Variants in CDH12 observed in about 807,000 individuals in gnomAD.
CDH12 encodes cadherin-12.
CDH12 carries 41 observed loss-of-function variants against 74.1 expected under a neutral mutation model. The ratio of observed to expected loss-of-function variants is 0.55; its 90% CI spans 0.43 to 0.72. The LOEUF is 0.72. Ranked by LOEUF, CDH12 falls within the 30% of genes least tolerant of loss-of-function variation. The pLI, the probability that CDH12 is intolerant of heterozygous loss-of-function variation, is 0.00. For missense variants in CDH12, 945 were observed against 977.2 expected (o/e 0.97, Z 0.44); for synonymous variants, 399 against 355.0 (o/e 1.12, Z -1.39).
chr5:22,658,031 G>A (rs970863655), intron 1 of CDH12, among the ~76,000 whole-genome samples: 2 of 152,090 alleles, frequency 1.3e-5, no homozygotes, highest in African/African-American at 4.8e-5. Context: ...CAAATCTCCT[G>A]GTCTGAAAAT....
rs528136706 is a variant in CDH12, at chr5:22,000,853, A to C, written c.232-25468T>G. 7.0e-3 allele frequency among the ~76,000 whole-genome samples: 1,063 copies of C among 152,284 alleles called. 3 individuals are homozygous for C. The highest frequency in any genetic ancestry group is 0.011 in the Non-Finnish European group (738 of 68,024). On this transcript the variant is annotated intron_variant, in intron 5 of 14. Coordinates refer to ENST00000382254, the MANE Select transcript of CDH12 (RefSeq NM_004061.5). The stretch of plus-strand genomic sequence containing the variant: ...TTCTTTAATATCTATTCAGCTCGAA[A>C]AAAAGCCTATCATATCTATTAAAAT...
intron 3 of CDH12, among the ~76,000 whole-genome samples, chr5:22,274,320 TGTTA>T (rs1736527370): frequency 3.3e-5 from 5 of 152,096 alleles, no homozygotes. Context: ...ACAAAATAAA[TGTTA>T]GTTTTAATAA....
At chr5:22,831,369 G>A (rs371813317) in intron 1 of CDH12, among the ~76,000 whole-genome samples, 3 of 123,820 alleles carry the variant, frequency 2.4e-5, no homozygotes, top group Non-Finnish European at 3.5e-5. Context: ...GTGTGTGTGT[G>A]TCTGTGTGTG....
At chr5:22,626,104 C>T (rs1376854351) in intron 1 of CDH12, among the ~76,000 whole-genome samples, 2 of 152,126 alleles carry the variant, frequency 1.3e-5, no homozygotes. Context: ...GCCACTACTA[C>T]CAGTACAAGT....
chr5:22,220,952 T>C (rs1751992950), intron 3 of CDH12, among the ~76,000 whole-genome samples: 1 of 151,660 alleles, frequency 6.6e-6, no homozygotes, highest in African/African-American at 2.4e-5. Context: ...GGTCATCTAC[T>C]GTGTAGAGTT....
intron 6 of CDH12, among the ~76,000 whole-genome samples, chr5:21,916,495 A>C (rs1579957181): frequency 8.0e-6 from 1 of 124,630 alleles, no homozygotes. Context: ...TCAAAACTTC[A>C]TTTTCATTTT....
At chr5:22,092,915 G>A (rs1743520591) in intron 4 of CDH12, among the ~76,000 whole-genome samples, 1 of 152,144 alleles carries the variant, frequency 6.6e-6, no homozygotes, top group South Asian at 2.1e-4. Context: ...GGGTTCAAGG[G>A]ATTTGGGGAC....
At chr5:21,828,849 T>C (rs1468982879) in intron 8 of CDH12, among the ~76,000 whole-genome samples, 1 of 152,034 alleles carries the variant, frequency 6.6e-6, no homozygotes. Context: ...TTTTTCCTTT[T>C]GTCTTTGCAA....
At chr5:22,235,434 T>C (rs1192489897) in intron 3 of CDH12, among the ~76,000 whole-genome samples, 2 of 151,936 alleles carry the variant, frequency 1.3e-5, no homozygotes, top group South Asian at 2.1e-4. Flanking sequence ...TATAAAAAAT[T>C]AGGCAGGCGT....
intron 5 of CDH12, among the ~76,000 whole-genome samples, chr5:22,041,032 G>A (rs541128355): frequency 7.2e-5 from 11 of 151,872 alleles, no homozygotes; most frequent in Middle Eastern, 3.4e-3. Context: ...AATATAAATC[G>A]TGACATCAAA....
intron 2 of CDH12, among the ~76,000 whole-genome samples, chr5:22,495,511 C>T (rs1302924156): frequency 6.6e-6 from 1 of 152,014 alleles, no homozygotes; most frequent in Non-Finnish European, 1.5e-5. Context: ...GTAGCAGCTT[C>T]CATATGGGAG....
intron 5 of CDH12, among the ~76,000 whole-genome samples, chr5:22,067,042 A>G (rs1231031548): frequency 5.9e-5 from 9 of 152,176 alleles, no homozygotes; most frequent in Non-Finnish European, 1.5e-5. Context: ...CTGGCTGGCA[A>G]GATCAGCAAT....
At chr5:22,735,055 G>T (rs1027815869) in intron 1 of CDH12, among the ~76,000 whole-genome samples, 3 of 151,870 alleles carry the variant, frequency 2.0e-5, no homozygotes, top group Admixed American at 2.0e-4. Context: ...AGTTACATCA[G>T]TATCTGAATT....
intron 4 of CDH12, among the ~76,000 whole-genome samples, chr5:22,149,160 C>A (rs1320433337): frequency 6.6e-6 from 1 of 152,032 alleles, no homozygotes; most frequent in African/African-American, 2.4e-5. Flanking sequence ...AATTTAGCTC[C>A]CACCTTAACT....
intron 3 of CDH12, among the ~76,000 whole-genome samples, chr5:22,223,255 C>G (rs530739546): frequency 6.6e-6 from 1 of 152,068 alleles, no homozygotes; most frequent in African/African-American, 2.4e-5. Flanking sequence ...GCATGAATGA[C>G]TCATGGACGC....
chr5:22,498,901 C>CTTTTTTTTTTTTTTT (rs34550762), intron 2 of CDH12, among the ~76,000 whole-genome samples: 2 of 73,434 alleles, frequency 2.7e-5, no homozygotes, highest in African/African-American at 5.4e-5. Flanking sequence ...TTTTCTGTTT[C>CTTTTTTTTTTTTTTT]TTTTTTTTTT....
At chr5:22,715,575 C>G (rs434129) in intron 1 of CDH12, among the ~76,000 whole-genome samples, 1 of 151,674 alleles carries the variant, frequency 6.6e-6, no homozygotes, top group Non-Finnish European at 1.5e-5. Flanking sequence ...GAGGCCAAGG[C>G]GGGTGGATCA....
At chr5:22,207,216 C>CA (rs11430414) in intron 4 of CDH12, among the ~76,000 whole-genome samples, 38,210 of 91,804 alleles carry the variant, frequency 0.42, 6,464 homozygotes, top group South Asian at 0.45. Context: ...AAGACTGTCT[C>CA]AAAAAAAAAA....
intron 1 of CDH12, among the ~76,000 whole-genome samples, chr5:22,629,283 C>A (rs937072581): frequency 6.6e-6 from 1 of 151,932 alleles, no homozygotes; most frequent in Non-Finnish European, 1.5e-5. Context: ...CAAAACCTGA[C>A]AGAGACACAC....
Sources: gnomAD v4.1 joint callset for allele counts (sites outside exome capture counted in the v4.1 genomes callset) on GRCh38, gnomAD v4.1.1 for gene constraint, MANE v1.5 for transcripts, NCBI Gene and HGNC (gene_info 2026-07-23, HGNC 2026-07-21) for gene names.